INTS2: variants seen among roughly 807,000 people sequenced by gnomAD.
INTS2 encodes the protein integrator complex subunit 2, also known as KIAA1287.
Under a neutral mutation model 139.6 loss-of-function variants are expected in INTS2, and 57 were observed. The ratio of observed to expected loss-of-function variants is 0.41; its 90% CI spans 0.33 to 0.51. The LOEUF is 0.51. Among genes scored for constraint, INTS2 ranks in the 20% least tolerant of loss-of-function variants. The pLI, the probability that INTS2 is intolerant of heterozygous loss-of-function variation, is 0.28. For missense variants in INTS2, 1,196 were observed against 1,436.7 expected, an observed-to-expected ratio of 0.83 and a Z score of 2.71; for synonymous variants, 473 against 493.4, an observed-to-expected ratio of 0.96 and a Z score of 0.55.
rs184985128 is a variant in INTS2 at position 61,882,333 on chromosome 17, G to C, written c.2090-1162C>G. Among the ~76,000 whole-genome samples, 1 of 152,166 alleles carries C rather than the reference G, an allele frequency of 6.6e-6. No homozygotes were observed. The highest frequency in any genetic ancestry group is 1.5e-5 in the Non-Finnish European group (1 of 68,016). On this transcript the variant is annotated intron_variant, in intron 16 of 24. Coordinates refer to ENST00000251334, the MANE Select transcript of INTS2 (RefSeq NM_001351695.2). The surrounding 1 kb of genome is among the most constrained non-coding windows in gnomAD (Gnocchi z 4.7). The stretch of plus-strand genomic sequence containing the variant: ...TTTTCTTGGTTCAAGAAGTATTAAA[G>C]AAGACCAAAAGAAATGGGAAAACTT...
Position 61,870,086 on chromosome 17 carries a change from T to A in INTS2, c.2779-98A>T. On this transcript the variant is annotated intron_variant, in intron 20 of 24. Coordinates refer to ENST00000251334, the MANE Select transcript of INTS2 (RefSeq NM_001351695.2). The surrounding 1 kb of genome is among the most constrained non-coding windows in gnomAD (Gnocchi z 4.4). ...ACATGAACAGATATGATAAAATAAC[T>A]AATTTCTTAAACACACATACACAAA... The A allele has an allele frequency of 3.4e-6, 4 of 1,167,064 alleles. No individual in the cohort carries two copies. Among genetic ancestry groups the A allele is most frequent in the Non-Finnish European group, 4.7e-6 (4 of 848,380 alleles). The allele number at this position is 1,167,064 out of a possible 1,614,324, so 72.3% of individuals were successfully genotyped here. A position where few individuals can be genotyped will look rare whatever the true frequency, so the allele number is the denominator to read the frequency against.
At position 61,868,524 on chromosome 17, in the gene INTS2, T is replaced by C. The variant is rs1470754674; in HGVS notation, c.3244+510A>G. The stretch of plus-strand genomic sequence containing the variant: ...ATTACATTAAGGGTTGCATTATAGT[T>C]CATATATTTTAAAGTAGTTTATTTT... On this transcript the variant is annotated intron_variant, in intron 23 of 24. Transcript: ENST00000251334. The surrounding 1 kb of genome is among the most constrained non-coding windows in gnomAD (Gnocchi z 4.7). Among the ~76,000 whole-genome samples, 1 of 152,154 alleles carries C rather than the reference T, an allele frequency of 6.6e-6. No homozygotes were observed. Among genetic ancestry groups the C allele is most frequent in the African/African-American group, 2.4e-5 (1 of 41,448 alleles).
At position 61,870,000 on chromosome 17, in the gene INTS2, C is replaced by A. The variant is rs1238615553; in HGVS notation, c.2779-12G>T. 7 of 1,582,162 alleles carry A rather than the reference C, an allele frequency of 4.4e-6. No individual in the cohort carries two copies. In the Admixed American group the frequency reaches 5.5e-5, roughly 12 times the overall value. On this transcript the variant is annotated splice_polypyrimidine_tract_variant and intron_variant, in intron 20 of 24. Transcript: ENST00000251334. This position sits in a 1 kb window ranked among gnomAD's most constrained non-coding sequence, Gnocchi z 5.4. Reference sequence around the variant, plus strand: ...ACAGCTGCACTATCCTATAAGCAAACAAAACATAGAAAAAGTAAGAAGTTT... The same window carrying A: ...ACAGCTGCACTATCCTATAAGCAAAAAAAACATAGAAAAAGTAAGAAGTTT...
Position 61,925,060 on chromosome 17 carries a change from T to C in INTS2, c.333A>G (p.Val111=), listed in dbSNP as rs751599515. ...ACGTCAGTCCATGCTGAAGCTGTGA[T>C]ACCAGGATGCTCTCTCCACTGCCTC... ...LGGGSGESIL[V]SQLQHGLTLE... Residue 111 remains valine (V), a synonymous_variant, in exon 3 of 25, where the codon GTA becomes GTG. Transcript: ENST00000251334. 93 of 1,613,700 alleles carry C rather than the reference T, an allele frequency of 5.8e-5. No homozygotes were observed. The highest frequency in any genetic ancestry group is 6.4e-5 in the Non-Finnish European group (75 of 1,179,764).
chr17:61,872,345 T>C lies in INTS2; in HGVS notation c.2698A>G (p.Asn900Asp). 2 of 1,613,232 alleles carry C rather than the reference T, an allele frequency of 1.2e-6. No individual in the cohort carries two copies. Among genetic ancestry groups the C allele is most frequent in the Non-Finnish European group, 1.7e-6 (2 of 1,179,340 alleles). ...ETEQDRPSQN[N>D]TIGLVGQTDA... ...GTTTGTCCAACTAAACCAATTGTAT[T>C]ATTCTGGGAAGGCCTATCTTGCTCT... The change falls in exon 20 of 25, where the codon AAT becomes GAT. Residue 900 changes from asparagine (N) to aspartate (D), a missense_variant. This residue lies in a region of INTS2 where 1,129 missense variants were observed against 1,341.9 expected (regional missense o/e 0.84). Transcript: ENST00000251334. This position sits in a 1 kb window ranked among gnomAD's most constrained non-coding sequence, Gnocchi z 4.8.
chr17:61,869,247 T>C lies in INTS2; in HGVS notation c.3138+26A>G, dbSNP rs1239361948. 2.6e-6 allele frequency: 4 copies of C among 1,524,372 alleles called. No homozygotes were observed. Among genetic ancestry groups the C allele is most frequent in the Admixed American group, 1.8e-5 (1 of 57,044 alleles). The allele number at this position is 1,524,372 out of a possible 1,614,324, so 94.4% of individuals were successfully genotyped here. A position where few individuals can be genotyped will look rare whatever the true frequency, so the allele number is the denominator to read the frequency against. Reference sequence around the variant, plus strand: ...TAAGACTGGAGAGAGAGATCAATTGTCCTAAAGCTCCAAAATGCTCATTAC... The same window carrying C: ...TAAGACTGGAGAGAGAGATCAATTGCCCTAAAGCTCCAAAATGCTCATTAC... On this transcript the variant is annotated intron_variant, in intron 22 of 24. Transcript: ENST00000251334. The surrounding 1 kb of genome is among the most constrained non-coding windows in gnomAD (Gnocchi z 5.4).
In INTS2 at chr17:61,870,018, A is replaced by G. The variant is rs1240830870; in HGVS notation, c.2779-30T>C. 1 of 1,572,166 alleles carries G rather than the reference A, an allele frequency of 6.4e-7. No individual in the cohort carries two copies. On this transcript the variant is annotated intron_variant, in intron 20 of 24. Coordinates refer to ENST00000251334, the MANE Select transcript of INTS2 (RefSeq NM_001351695.2). The surrounding 1 kb of genome is among the most constrained non-coding windows in gnomAD (Gnocchi z 4.4). ...AAGCAAACAAAACATAGAAAAAGTA[A>G]GAAGTTTCTAAGAAGTTAAAAAACA...
chr17:61,913,937 G>C (rs1361907630), intron 5 of INTS2, among the ~76,000 whole-genome samples: 1 of 151,844 alleles, frequency 6.6e-6, no homozygotes, highest in African/African-American at 2.4e-5. Flanking sequence ...TCATGTAAAA[G>C]TAAAATCCAT....
chr17:61,919,214 C>T (rs570890744), intron 5 of INTS2, among the ~76,000 whole-genome samples, 186 bp downstream of exon 5: 2 of 151,990 alleles, frequency 1.3e-5, no homozygotes, highest in South Asian at 2.1e-4. Context: ...TGAGCCACTG[C>T]GCCCAGCCTG....
At position 61,875,282 on chromosome 17, in the gene INTS2, T is replaced by C. The variant is rs2079118326; in HGVS notation, c.2457-244A>G. Among the ~76,000 whole-genome samples, 1 of 152,314 alleles carries C rather than the reference T, an allele frequency of 6.6e-6. No individual in the cohort carries two copies. The highest frequency in any genetic ancestry group is 1.9e-4 in the East Asian group (1 of 5,192). The stretch of plus-strand genomic sequence containing the variant: ...GTTCACAGTTGTAATGGAATAATCA[T>C]GGCATATAAAATTAAAACCTGAGTT... On this transcript the variant is annotated intron_variant, in intron 18 of 24. Coordinates refer to ENST00000251334, the MANE Select transcript of INTS2 (RefSeq NM_001351695.2). The surrounding 1 kb of genome is among the most constrained non-coding windows in gnomAD (Gnocchi z 4.6).
At position 61,881,243 on chromosome 17, in the gene INTS2, T is replaced by C. The variant is rs1047295557; in HGVS notation, c.2090-72A>G. The C allele has an allele frequency of 2.9e-4, 341 of 1,186,098 alleles. 1 individual carries two copies. The highest frequency in any genetic ancestry group is 1.4e-4 in the Non-Finnish European group (120 of 838,948). 73.5% of individuals were successfully genotyped at this position (1,186,098 alleles called of 1,614,324 possible). ...CAGAAGCTTCCCCACCCCTCTCATT[T>C]TTATCAAGCCATCAGCCCACAAGGA... On this transcript the variant is annotated intron_variant, in intron 16 of 24. Transcript: ENST00000251334.
In INTS2 at chr17:61,897,884, G is replaced by A. The variant is rs2079365333; in HGVS notation, c.1308-145C>T. ...AGTCAAATTAAAGGCTTGCTGAATTGGGCCATTAATTGTCATTGAGGTATG... is the reference window on the plus strand; with the variant it reads ...AGTCAAATTAAAGGCTTGCTGAATTAGGCCATTAATTGTCATTGAGGTATG... On this transcript the variant is annotated intron_variant, in intron 9 of 24. Transcript: ENST00000251334. This position sits in a 1 kb window ranked among gnomAD's most constrained non-coding sequence, Gnocchi z 4.4. 1 of 643,454 alleles carries A rather than the reference G, an allele frequency of 1.6e-6. No individual in the cohort carries two copies. The highest frequency in any genetic ancestry group is 2.7e-6 in the Non-Finnish European group (1 of 372,408). The allele number at this position is 643,454 out of a possible 1,614,324, so 39.9% of individuals were successfully genotyped here. A position where few individuals can be genotyped will look rare whatever the true frequency, so the allele number is the denominator to read the frequency against.
In INTS2 at chr17:61,889,882, G is replaced by A. The variant is rs753055531; in HGVS notation, c.1888C>T (p.Arg630Cys). ...GTGATACTGAAACGCTGATTAAGGC[G>A]GATGTTGTCACCCTGGAGGTAATAT... is the stretch of plus-strand genomic sequence containing the variant. ...FQGVIGGDNI[R>C]LNQRFSITAQ... The change falls in exon 15 of 25, where the codon CGC becomes TGC. Residue 630 changes from arginine to cysteine, a missense_variant. Arg to Cys is a radical substitution (Grantham distance 180). Transcript: ENST00000251334. 27 of 1,605,152 alleles carry A rather than the reference G, an allele frequency of 1.7e-5. No homozygotes were observed. The highest frequency in any genetic ancestry group is 1.7e-4 in the Admixed American group (10 of 59,730).
At position 61,872,720 on chromosome 17, in the gene INTS2, T is replaced by C. The variant is rs1274303937; in HGVS notation, c.2583-260A>G. On this transcript the variant is annotated intron_variant, in intron 19 of 24. Transcript: ENST00000251334. The surrounding 1 kb of genome is among the most constrained non-coding windows in gnomAD (Gnocchi z 4.8). Reference sequence around the variant, plus strand: ...TATAATGTAAATTCTAAAGAAAAGATGACCGGGTGCGGGCAAAACAATATT... The same window carrying C: ...TATAATGTAAATTCTAAAGAAAAGACGACCGGGTGCGGGCAAAACAATATT... 6.6e-6 allele frequency among the ~76,000 whole-genome samples: 1 copy of C among 152,148 alleles called. No homozygotes were observed. The highest frequency in any genetic ancestry group is 1.5e-5 in the Non-Finnish European group (1 of 68,004).
At position 61,867,688 on chromosome 17, in the gene INTS2, G is replaced by C; in HGVS notation, c.3460C>G (p.Gln1154Glu). The change falls in exon 25 of 25, where the codon CAA becomes GAA. Residue 1154 changes from glutamine (Q) to glutamate (E), a missense_variant. Gln to Glu is a conservative substitution (Grantham distance 29). Coordinates refer to ENST00000251334, the MANE Select transcript of INTS2 (RefSeq NM_001351695.2). The surrounding 1 kb of genome is among the most constrained non-coding windows in gnomAD (Gnocchi z 5.6). ...QIKEKPSGWS[Q>E]ICKDSSYKNG... is the part of the protein sequence containing the mutation. Reference sequence around the variant, plus strand: ...TTATAAGATGAATCTTTACAGATTTGAGACCATCCACTTGGTTTCTCCTTT... The same window carrying C: ...TTATAAGATGAATCTTTACAGATTTCAGACCATCCACTTGGTTTCTCCTTT... 6.2e-7 allele frequency: 1 copy of C among 1,609,616 alleles called. No homozygotes were observed. Among genetic ancestry groups the C allele is most frequent in the South Asian group, 1.1e-5 (1 of 90,232 alleles).
At chr17:61,910,342 T>G (rs1378526577) in intron 7 of INTS2, 1 of 152,266 alleles carries the variant, frequency 6.6e-6, no homozygotes, top group Non-Finnish European at 1.5e-5. Flanking sequence ...ACGCCTGTAA[T>G]CCCAGTACTC....
intron 7 of INTS2, 24 bp downstream of exon 7, chr17:61,911,496 C>T: frequency 6.2e-7 from 1 of 1,607,700 alleles, no homozygotes; most frequent in East Asian, 2.2e-5. Flanking sequence ...TGATCCTTAG[C>T]CTATACAGAT....
Position 61,911,658 on chromosome 17 carries a change from A to G in INTS2, c.816T>C (p.Ala272=). The G allele has an allele frequency of 6.2e-7, 1 of 1,613,788 alleles. No individual in the cohort carries two copies. The highest frequency in any genetic ancestry group is 8.5e-7 in the Non-Finnish European group (1 of 1,179,788). ...CATTTTTAGTATGATCCAATGTCAA[A>G]GCCACACCAAGGCCTGGCAAGTGAC... ...EECHLPGLGV[A]LTLDHTKNEA... Residue 272 remains alanine, a synonymous_variant, in exon 7 of 25, where the codon GCT becomes GCC. Coordinates refer to ENST00000251334, the MANE Select transcript of INTS2 (RefSeq NM_001351695.2).
chr17:61,914,687 A>C (rs897524144), intron 5 of INTS2, among the ~76,000 whole-genome samples: 4 of 138,744 alleles, frequency 2.9e-5, no homozygotes, highest in African/African-American at 1.1e-4. Flanking sequence ...TGGGCGACAG[A>C]GTGAGACTCC....
Sources: allele counts gnomAD v4.1 joint callset (sites outside exome capture counted in the v4.1 genomes callset), GRCh38; gene constraint gnomAD v4.1.1; regional missense constraint gnomAD v4.1.1; non-coding constraint Gnocchi (gnomAD v3.1); transcripts MANE v1.5; gene names NCBI Gene and HGNC (gene_info 2026-07-23, HGNC 2026-07-21).